The following GRHL1 variants were observed in gnomAD, a reference collection of about 807,000 sequenced individuals.
The protein encoded by GRHL1 is grainyhead like transcription factor 1, also known as grainyhead-like protein 1 homolog.
GRHL1 carries 38 observed loss-of-function variants against 75.7 expected under a neutral mutation model. That is an observed-to-expected ratio of 0.50 (90% confidence interval 0.39 to 0.66). The LOEUF (loss-of-function observed/expected upper bound fraction) is 0.66, where lower values mean the gene tolerates loss of function less well. Among genes scored for constraint, GRHL1 ranks in the 30% least tolerant of loss-of-function variants. The pLI is 0.00. For missense variants in GRHL1, 589 were observed against 767.5 expected, an observed-to-expected ratio of 0.77 and a Z score of 2.75; for synonymous variants, 266 against 279.4, an observed-to-expected ratio of 0.95 and a Z score of 0.48.
chr2:9,952,988 GTGA>G (rs1558286159), intron 1 of GRHL1: 4 of 456,612 alleles, frequency 8.8e-6, no homozygotes, highest in South Asian at 6.2e-5. Context: ...TCACCTGAAA[GTGA>G]TGATGAGCCT....
At position 9,961,292 on chromosome 2, in the gene GRHL1, T is replaced by C; in HGVS notation, c.525T>C (p.Tyr175=). Residue 175 remains tyrosine (Y), a synonymous_variant, in exon 4 of 16, where the codon TAT becomes TAC. Coordinates refer to ENST00000324907, the MANE Select transcript of GRHL1 (RefSeq NM_198182.3). Reference sequence around the variant, plus strand: ...CTGTGGGAATCCCCCCAGCAGTGTATCATCCTGAGCCCACTGAGCGGGTGG... The same window carrying C: ...CTGTGGGAATCCCCCCAGCAGTGTACCATCCTGAGCCCACTGAGCGGGTGG... The part of the protein sequence containing the change: ...GFAVGIPPAV[Y]HPEPTERVVV... The C allele has an allele frequency of 1.2e-6, 2 of 1,614,176 alleles. No individual in the cohort carries two copies. The highest frequency in any genetic ancestry group is 1.7e-6 in the Non-Finnish European group (2 of 1,180,028).
In GRHL1 at chr2:9,964,269, G is replaced by A. The variant is rs376397876; in HGVS notation, c.938G>A (p.Ser313Asn). The A allele has an allele frequency of 1.2e-4, 196 of 1,612,128 alleles. No homozygotes were observed. Among genetic ancestry groups the A allele is most frequent in the Non-Finnish European group, 1.6e-4 (192 of 1,178,516 alleles). The change falls in exon 7 of 16, where the codon AGC becomes AAC. Residue 313 changes from serine to asparagine, a missense_variant. Ser to Asn is a conservative substitution (Grantham distance 46, BLOSUM62 1). Transcript: ENST00000324907. ...ATGGTGGTTTTTGCTGAAGACAAAA[G>A]CAGAGAAGATCAGTTAAGGCATTGG... ...VIMVVFAEDK[S>N]REDQLRHWKY...
intron 9 of GRHL1, among the ~76,000 whole-genome samples, chr2:9,989,735 G>C (rs1668563211): frequency 6.6e-6 from 1 of 152,068 alleles, no homozygotes; most frequent in Non-Finnish European, 1.5e-5. Flanking sequence ...ATTTTTAATG[G>C]AGACAGGGTT....
In GRHL1 at chr2:9,951,822, C is replaced by G. The variant is rs550568054; in HGVS notation, c.-12C>G. 81 of 1,526,546 alleles carry G rather than the reference C, an allele frequency of 5.3e-5. 1 individual carries two copies. In the African/African-American group the frequency reaches 1.1e-3, roughly 20 times the overall value. The allele number at this position is 1,526,546 out of a possible 1,614,324, so 94.6% of individuals were successfully genotyped here. Reference sequence around the variant, plus strand: ...GTCCAGTTCTGCGGCCCGGCAGCGGCGAGCGGGCGCGATGACACAGGAGTA... The same window carrying G: ...GTCCAGTTCTGCGGCCCGGCAGCGGGGAGCGGGCGCGATGACACAGGAGTA... On this transcript the variant is annotated 5_prime_UTR_variant, in exon 1 of 16. Coordinates refer to ENST00000324907, the MANE Select transcript of GRHL1 (RefSeq NM_198182.3). This position sits in a 1 kb window ranked among gnomAD's most constrained non-coding sequence, Gnocchi z 4.2.
intron 8 of GRHL1, among the ~76,000 whole-genome samples, chr2:9,978,364 C>A (rs2125227935): frequency 6.6e-6 from 1 of 152,270 alleles, no homozygotes; most frequent in South Asian, 2.1e-4. Flanking sequence ...GGTGCTGGAT[C>A]TTTATCCATA....
rs536395589 is a variant in GRHL1 at position 9,971,618 on chromosome 2, T to C, written c.1110+6237T>C. ...GTTTGATCCCAGGGATTTTTTCTTA[T>C]GCAGTTTAGCAATACATAGCTATTA... On this transcript the variant is annotated intron_variant, in intron 8 of 15. Transcript: ENST00000324907. Among the ~76,000 whole-genome samples the C allele has an allele frequency of 2.0e-5, 3 of 152,332 alleles. No homozygotes were observed. In the East Asian group the frequency reaches 5.8e-4, roughly 29 times the overall value.
intron 8 of GRHL1, among the ~76,000 whole-genome samples, chr2:9,976,529 G>A (rs1667954273): frequency 6.6e-6 from 1 of 152,158 alleles, no homozygotes; most frequent in Non-Finnish European, 1.5e-5. Flanking sequence ...TGACCCCAAG[G>A]GTCTTGGGGT....
chr2:9,976,579 G>A (rs1007306518), intron 8 of GRHL1, among the ~76,000 whole-genome samples: 3 of 152,162 alleles, frequency 2.0e-5, no homozygotes, highest in Non-Finnish European at 4.4e-5. Flanking sequence ...TTTCAAGTCA[G>A]TGATGAGACT....
chr2:9,998,853 C>CAT lies in GRHL1; in HGVS notation c.1678-104_1678-103dup, dbSNP rs554097850. Reference sequence around the variant, plus strand: ...ATATATATACGTATATATATGTACACATATATATACGTATATATATGTACA... The same window carrying CAT: ...ATATATATACGTATATATATGTACACATATATATATACGTATATATATGTACA... On this transcript the variant is annotated intron_variant, in intron 14 of 15. Coordinates refer to ENST00000324907, the MANE Select transcript of GRHL1 (RefSeq NM_198182.3). 43 of 138,858 alleles carry CAT rather than the reference C, an allele frequency of 3.1e-4. 6 individuals carry two copies. The highest frequency in any genetic ancestry group is 1.3e-3 in the Admixed American group (9 of 6,890). The allele number at this position is 138,858 out of a possible 1,614,324, so 8.6% of individuals were successfully genotyped here.
intron 14 of GRHL1, among the ~76,000 whole-genome samples, chr2:9,998,566 GTATA>G (rs1298410912): frequency 2.7e-5 from 1 of 37,592 alleles, no homozygotes; most frequent in East Asian, 6.2e-4. Context: ...GTGTGTACAT[GTATA>G]TATATACATA....
intron 6 of GRHL1, 68 bp downstream of exon 6, chr2:9,964,110 C>G: frequency 6.8e-7 from 1 of 1,477,672 alleles, no homozygotes; most frequent in East Asian, 2.3e-5. Flanking sequence ...AGGTCTGAAG[C>G]AGCTCTGAAT....
At chr2:9,984,863 A>T (rs910243296) in intron 8 of GRHL1, among the ~76,000 whole-genome samples, 1 of 151,480 alleles carries the variant, frequency 6.6e-6, no homozygotes, top group Non-Finnish European at 1.5e-5. Flanking sequence ...GGAGTTGGAG[A>T]CCAGCCTGGG....
rs1297038005 is a variant in GRHL1, at chr2:10,001,457, G to A, written c.*750G>A. The stretch of plus-strand genomic sequence containing the variant: ...AATATGGTGTCTGTGTACATATAGT[G>A]AAGATATGCAGTAAGAGCTACCTTA... On this transcript the variant is annotated 3_prime_UTR_variant, in exon 16 of 16. Transcript: ENST00000324907. 6.6e-6 allele frequency: 1 copy of A among 152,230 alleles called. No homozygotes were observed. Among genetic ancestry groups the A allele is most frequent in the East Asian group, 1.9e-4 (1 of 5,206 alleles). The allele number at this position is 152,230 out of a possible 1,614,324, so 9.4% of individuals were successfully genotyped here. A position where few individuals can be genotyped will look rare whatever the true frequency, so the allele number is the denominator to read the frequency against.
rs1298146616 is a variant in GRHL1 at position 9,951,757 on chromosome 2, C to T, written c.-77C>T. On this transcript the variant is annotated 5_prime_UTR_variant, in exon 1 of 16. Coordinates refer to ENST00000324907, the MANE Select transcript of GRHL1 (RefSeq NM_198182.3). This position sits in a 1 kb window ranked among gnomAD's most constrained non-coding sequence, Gnocchi z 4.2. ...TCCGGACCCGCAGCCGCCGCCGCCG[C>T]CTCCTCCCCCCGGATCGGGTGTACT... 8.0e-6 allele frequency: 11 copies of T among 1,368,400 alleles called. No individual in the cohort carries two copies. The highest frequency in any genetic ancestry group is 2.0e-6 in the Non-Finnish European group (2 of 1,017,012). The allele number at this position is 1,368,400 out of a possible 1,614,324, so 84.8% of individuals were successfully genotyped here.
At position 10,000,653 on chromosome 2, in the gene GRHL1, G is replaced by C; in HGVS notation, c.1803G>C (p.Gln601His). The C allele has an allele frequency of 6.2e-7, 1 of 1,613,376 alleles. No individual in the cohort carries two copies. Among genetic ancestry groups the C allele is most frequent in the Non-Finnish European group, 8.5e-7 (1 of 1,179,410 alleles). ...ATTACTCCAATGAGGACACCTTCCA[G>C]CTGCAGATTGAAGAAGCCGGGGGGT... ...VKHYSNEDTF[Q>H]LQIEEAGGSY... The change falls in exon 16 of 16, where the codon CAG (glutamine) becomes CAC (histidine). Residue 601 changes from glutamine to histidine, a missense_variant. Physicochemically the swap from Gln to His is conservative, Grantham distance 24 (BLOSUM62 0). Around this residue, in one of 5 missense-constraint regions of GRHL1, gnomAD observed 192 missense variants for 226.6 expected, o/e 0.85. Coordinates refer to ENST00000324907, the MANE Select transcript of GRHL1 (RefSeq NM_198182.3).
At chr2:9,991,007 T>C (rs1481495584) in intron 10 of GRHL1, among the ~76,000 whole-genome samples, 3 of 152,224 alleles carry the variant, frequency 2.0e-5, no homozygotes, top group African/African-American at 7.2e-5. Flanking sequence ...TCAGTTCTAG[T>C]TCAGACTTCT....
At position 9,952,393 on chromosome 2, in the gene GRHL1, T is replaced by G. The variant is rs190895709; in HGVS notation, c.20+540T>G. On this transcript the variant is annotated intron_variant, in intron 1 of 15. Transcript: ENST00000324907. Reference sequence around the variant, plus strand: ...GAAGTGCCCCGATGTCCGGGCGTTTTCTTTTCCCTGGCTGGCGGCATGAGT... The same window carrying G: ...GAAGTGCCCCGATGTCCGGGCGTTTGCTTTTCCCTGGCTGGCGGCATGAGT... Among the ~76,000 whole-genome samples the G allele has an allele frequency of 2.2e-3, 332 of 152,272 alleles. 1 individual carries two copies. The highest frequency in any genetic ancestry group is 7.7e-3 in the African/African-American group (319 of 41,560).
Position 9,951,762 on chromosome 2 carries a change from T to C in GRHL1, c.-72T>C, listed in dbSNP as rs1666777021. 7 of 1,404,608 alleles carry C rather than the reference T, an allele frequency of 5.0e-6. No homozygotes were observed. The highest frequency in any genetic ancestry group is 5.7e-6 in the Non-Finnish European group (6 of 1,048,516). The allele number at this position is 1,404,608 out of a possible 1,614,324, so 87.0% of individuals were successfully genotyped here. A position where few individuals can be genotyped will look rare whatever the true frequency, so the allele number is the denominator to read the frequency against. On this transcript the variant is annotated 5_prime_UTR_variant, in exon 1 of 16. Coordinates refer to ENST00000324907, the MANE Select transcript of GRHL1 (RefSeq NM_198182.3). The surrounding 1 kb of genome is among the most constrained non-coding windows in gnomAD (Gnocchi z 4.2). ...ACCCGCAGCCGCCGCCGCCGCCTCCTCCCCCCGGATCGGGTGTACTGTCCC... is the reference window on the plus strand; with the variant it reads ...ACCCGCAGCCGCCGCCGCCGCCTCCCCCCCCCGGATCGGGTGTACTGTCCC...
rs1667386641 is a variant in GRHL1 at position 9,964,035 on chromosome 2, A to G, written c.896A>G (p.Lys299Arg). 1.9e-6 allele frequency: 3 copies of G among 1,612,842 alleles called. No individual in the cohort carries two copies. The highest frequency in any genetic ancestry group is 1.3e-5 in the African/African-American group (1 of 74,886). Reference protein sequence around the residue: ...SSEGIHHPISKVRSVIMVVFA... With the variant: ...SSEGIHHPISRVRSVIMVVFA... ...GAAGGAATCCATCATCCCATCAGCA[A>G]AGTTCGAGTAAGTTCTGCTCTTAGT... The change falls in exon 6 of 16, where the codon AAA (lysine) becomes AGA (arginine). Residue 299 changes from lysine (K) to arginine (R), a missense_variant. Transcript: ENST00000324907.
Sources: gnomAD v4.1 joint callset for allele counts (sites outside exome capture counted in the v4.1 genomes callset) on GRCh38, gnomAD v4.1.1 for gene constraint, gnomAD v4.1.1 regional missense constraint, Gnocchi (gnomAD v3.1) non-coding constraint, MANE v1.5 for transcripts, NCBI Gene and HGNC (gene_info 2026-07-23, HGNC 2026-07-21) for gene names.